The following ZFPM2 variants were observed in gnomAD, a reference collection of about 807,000 sequenced individuals.
ZFPM2 encodes zinc finger protein ZFPM2.
In ZFPM2, 20 loss-of-function variants were observed where a neutral mutation model predicts 98.6. That is an observed-to-expected ratio of 0.20 (90% confidence interval 0.14 to 0.29). ZFPM2 has a LOEUF of 0.29. Among genes scored for constraint, ZFPM2 ranks in the 10% least tolerant of loss-of-function variants. The pLI is 1.00. For synonymous variants in ZFPM2, 518 were observed against 502.7 expected (o/e 1.03, Z -0.41); for missense variants, 1,310 against 1,388.6 (o/e 0.94, Z 0.90).
intron 5 of ZFPM2, among the ~76,000 whole-genome samples, chr8:105,696,483 T>C (rs527683398): frequency 1.6e-4 from 25 of 152,344 alleles, no homozygotes; most frequent in African/African-American, 6.0e-4. Flanking sequence ...GCTTTATTTC[T>C]GAGCACTCAT....
intron 3 of ZFPM2, among the ~76,000 whole-genome samples, chr8:105,466,402 G>A (rs934798377): frequency 6.6e-5 from 10 of 151,918 alleles, no homozygotes; most frequent in Admixed American, 2.6e-4. Context: ...ATTTCTGTAA[G>A]CTACCAGCTA....
intron 3 of ZFPM2, among the ~76,000 whole-genome samples, chr8:105,538,754 G>C (rs984065124): frequency 4.6e-5 from 7 of 151,934 alleles, no homozygotes; most frequent in Non-Finnish European, 7.4e-5. Flanking sequence ...GATCATGCCT[G>C]TAATCTCCAC....
intron 1 of ZFPM2, among the ~76,000 whole-genome samples, chr8:105,333,873 T>C (rs1812277957): frequency 6.6e-6 from 1 of 151,748 alleles, no homozygotes; most frequent in Non-Finnish European, 1.5e-5. Flanking sequence ...ATGTTTTTCA[T>C]AAAAATTTTT....
At chr8:105,440,216 T>C (rs1812207806) in intron 2 of ZFPM2, among the ~76,000 whole-genome samples, 1 of 152,230 alleles carries the variant, frequency 6.6e-6, no homozygotes, top group Admixed American at 6.5e-5. Context: ...AGATGGTAGC[T>C]AGCATTTAAT....
At chr8:105,380,837 T>TTA (rs1174348260) in intron 1 of ZFPM2, among the ~76,000 whole-genome samples, 1 of 85,274 alleles carries the variant, frequency 1.2e-5, no homozygotes, top group African/African-American at 5.7e-5. Context: ...AATATATATG[T>TTA]TATATATATT....
At chr8:105,331,189 A>ACACACACG (rs71305144) in intron 1 of ZFPM2, among the ~76,000 whole-genome samples, 2 of 149,434 alleles carry the variant, frequency 1.3e-5, no homozygotes, top group African/African-American at 4.9e-5. Context: ...ACACACACAC[A>ACACACACG]TATATATACA....
chr8:105,704,302 A>C (rs1481414126), intron 5 of ZFPM2, among the ~76,000 whole-genome samples: 1 of 152,178 alleles, frequency 6.6e-6, no homozygotes, highest in African/African-American at 2.4e-5. Context: ...TTAGAAAACT[A>C]TCTGTTCTAA....
chr8:105,381,048 G>A (rs1810878206), intron 1 of ZFPM2, among the ~76,000 whole-genome samples: 1 of 143,706 alleles, frequency 7.0e-6, no homozygotes, highest in South Asian at 2.1e-4. Flanking sequence ...TCTACATTAG[G>A]TATTTCTCTT....
chr8:105,352,451 A>G (rs1214963314), intron 1 of ZFPM2, among the ~76,000 whole-genome samples: 1 of 152,180 alleles, frequency 6.6e-6, no homozygotes, highest in African/African-American at 2.4e-5. Flanking sequence ...ATATTAACCC[A>G]TTAGCCCACA....
chr8:105,343,113 CTG>C (rs1417257080), intron 1 of ZFPM2, among the ~76,000 whole-genome samples: 1 of 152,076 alleles, frequency 6.6e-6, no homozygotes, highest in Non-Finnish European at 1.5e-5. Context: ...TACCCTAAAA[CTG>C]TTGGTGAACA....
chr8:105,502,748 C>T (rs1053069991), intron 3 of ZFPM2, among the ~76,000 whole-genome samples: 13 of 152,246 alleles, frequency 8.5e-5, no homozygotes, highest in Admixed American at 3.3e-4. Flanking sequence ...ACTTCAGTAA[C>T]GCTTTTGATT....
At chr8:105,395,383 G>T (rs749326132) in intron 1 of ZFPM2, among the ~76,000 whole-genome samples, 160 of 152,218 alleles carry the variant, frequency 1.1e-3, no homozygotes, top group Non-Finnish European at 2.0e-3. Context: ...TAAGAAGGGG[G>T]TCATTTAATT....
rs1402377753 is a variant in ZFPM2 at position 105,734,805 on chromosome 8, T to C, written c.533-53913T>C. On this transcript the variant is annotated intron_variant, in intron 5 of 7. Transcript: ENST00000407775. ...TGCAAGCTACCTCTTTTATAGTCCTTTTTTTGTGTTCCTGTAAACATTTTA... is the reference window on the plus strand; with the variant it reads ...TGCAAGCTACCTCTTTTATAGTCCTCTTTTTGTGTTCCTGTAAACATTTTA... 4.0e-5 allele frequency among the ~76,000 whole-genome samples: 6 copies of C among 151,750 alleles called. No individual in the cohort carries two copies. In the Admixed American group the frequency reaches 4.0e-4, roughly 10 times the overall value.
At chr8:105,355,472 G>A (rs2129731893) in intron 1 of ZFPM2, among the ~76,000 whole-genome samples, 1 of 152,274 alleles carries the variant, frequency 6.6e-6, no homozygotes, top group South Asian at 2.1e-4. Flanking sequence ...AAACTTGAAG[G>A]AAGTTGGGCC....
chr8:105,443,747 T>G (rs2130212801), intron 2 of ZFPM2, among the ~76,000 whole-genome samples: 1 of 152,326 alleles, frequency 6.6e-6, no homozygotes, highest in Admixed American at 6.5e-5. Context: ...CACTGGCTAA[T>G]CATTTAATTA....
intron 4 of ZFPM2, among the ~76,000 whole-genome samples, chr8:105,632,053 A>G (rs1428024309): frequency 6.6e-6 from 1 of 152,190 alleles, no homozygotes; most frequent in Non-Finnish European, 1.5e-5. Context: ...CAAATAAGTC[A>G]CTGAGTGCCC....
In ZFPM2 at chr8:105,722,095, T is replaced by G. The variant is rs1421914896; in HGVS notation, c.533-66623T>G. ...CCTTTTTATGTAGTTATTAATTTTTTAAAATTATATATATGGCTAATATTA... is the reference window on the plus strand; with the variant it reads ...CCTTTTTATGTAGTTATTAATTTTTGAAAATTATATATATGGCTAATATTA... On this transcript the variant is annotated intron_variant, in intron 5 of 7. Transcript: ENST00000407775. Among the ~76,000 whole-genome samples, 7 of 151,916 alleles carry G rather than the reference T, an allele frequency of 4.6e-5. No homozygotes were observed. In the East Asian group the frequency reaches 1.4e-3, roughly 30 times the overall value.
chr8:105,680,054 C>A (rs1322121283), intron 5 of ZFPM2, among the ~76,000 whole-genome samples: 2 of 152,096 alleles, frequency 1.3e-5, no homozygotes, highest in African/African-American at 4.8e-5. Flanking sequence ...TATTAAACTG[C>A]ATTTCCCTCT....
At chr8:105,342,565 G>A (rs922420169) in intron 1 of ZFPM2, among the ~76,000 whole-genome samples, 1 of 151,804 alleles carries the variant, frequency 6.6e-6, no homozygotes, top group Admixed American at 6.6e-5. Flanking sequence ...CTAAAGAAAA[G>A]AAAATAAGCT....
Sources: gnomAD v4.1 joint callset for allele counts (sites outside exome capture counted in the v4.1 genomes callset) on GRCh38, gnomAD v4.1.1 for gene constraint, MANE v1.5 for transcripts, NCBI Gene and HGNC (gene_info 2026-07-23, HGNC 2026-07-21) for gene names.